Variants in RABIF observed in about 807,000 individuals in gnomAD.
RABIF encodes the protein guanine nucleotide exchange factor MSS4.
Under a neutral mutation model 12.3 loss-of-function variants are expected in RABIF, and 13 were observed. That is an observed-to-expected ratio of 1.06 (90% CI 0.69 to 1.68). The LOEUF (loss-of-function observed/expected upper bound fraction) is 1.68, where lower values mean the gene tolerates loss of function less well. Ranked by LOEUF, RABIF falls within the 40% of genes most tolerant of loss-of-function variation. RABIF has a pLI of 0.00. For synonymous variants in RABIF, 70 were observed against 63.3 expected, an observed-to-expected ratio of 1.11 and a Z score of -0.50; for missense variants, 153 against 158.0, an observed-to-expected ratio of 0.97 and a Z score of 0.17.
intron 1 of RABIF, among the ~76,000 whole-genome samples, chr1:202,884,193 T>C (rs1255167377): frequency 1.3e-5 from 2 of 152,172 alleles, no homozygotes; most frequent in Non-Finnish European, 2.9e-5. Flanking sequence ...TCTGCTGATA[T>C]ACTACTAACA....
chr1:202,880,661 G>T lies in RABIF; in HGVS notation c.*317C>A. ...CTGCTCTTCTAGAGCAAGAAAAAGC[G>T]GGAGCCCCTGGGCAAAACAGAGCCT... is the stretch of plus-strand genomic sequence containing the variant. On this transcript the variant is annotated 3_prime_UTR_variant, in exon 2 of 2. Transcript: ENST00000367262. 1 of 1,041,010 alleles carries T rather than the reference G, an allele frequency of 9.6e-7. No individual in the cohort carries two copies. Among genetic ancestry groups the T allele is most frequent in the Non-Finnish European group, 1.2e-6 (1 of 855,552 alleles). 64.5% of individuals were successfully genotyped at this position (1,041,010 alleles called of 1,614,324 possible).
rs1659439587 is a variant in RABIF, at chr1:202,878,352, G to GC, written c.*2625dup. Among the ~76,000 whole-genome samples the GC allele has an allele frequency of 2.0e-5, 3 of 152,162 alleles. No individual in the cohort carries two copies. Among genetic ancestry groups the GC allele is most frequent in the Non-Finnish European group, 4.4e-5 (3 of 68,016 alleles). Reference sequence around the variant, plus strand: ...GGCAAATGCTCCCAGGAGAACGGTGGCCCTCACACCAAGCCCACCTCCCAG... The same window carrying GC: ...GGCAAATGCTCCCAGGAGAACGGTGGCCCCTCACACCAAGCCCACCTCCCAG... On this transcript the variant is annotated 3_prime_UTR_variant, in exon 2 of 2. Coordinates refer to ENST00000367262, the MANE Select transcript of RABIF (RefSeq NM_002871.5).
In RABIF at chr1:202,880,938, G is replaced by A; in HGVS notation, c.*40C>T. ...AAAGGCCAGTTCTTGTGGGGAGTAG[G>A]TTTATCTTTGGAGATGGAGCTGAGT... On this transcript the variant is annotated 3_prime_UTR_variant, in exon 2 of 2. Transcript: ENST00000367262. 4 of 1,606,822 alleles carry A rather than the reference G, an allele frequency of 2.5e-6. No homozygotes were observed. Among genetic ancestry groups the A allele is most frequent in the Non-Finnish European group, 3.4e-6 (4 of 1,174,926 alleles).
chr1:202,884,801 C>T (rs1659535639), intron 1 of RABIF, among the ~76,000 whole-genome samples: 1 of 151,970 alleles, frequency 6.6e-6, no homozygotes, highest in African/African-American at 2.4e-5. Context: ...CATCATTGTT[C>T]GGGCCGGGCA....
intron 1 of RABIF, among the ~76,000 whole-genome samples, chr1:202,886,525 GC>G (rs1659564705): frequency 6.6e-6 from 1 of 151,972 alleles, no homozygotes; most frequent in African/African-American, 2.4e-5. Flanking sequence ...GGAGGAGGTT[GC>G]AGTGAGCCGA....
chr1:202,882,653 CT>C (rs779631253), intron 1 of RABIF, among the ~76,000 whole-genome samples: 6 of 144,450 alleles, frequency 4.2e-5, no homozygotes, highest in African/African-American at 1.0e-4. Flanking sequence ...TTCATTTCCC[CT>C]GGAAGTCTCT....
rs868472730 is a variant in RABIF at position 202,878,702 on chromosome 1, A to G, written c.*2276T>C. Reference sequence around the variant, plus strand: ...TTCACAAAATCAACTGCTCTCCCCAATAGAAAACGGAAGTTTCTATACTCG... The same window carrying G: ...TTCACAAAATCAACTGCTCTCCCCAGTAGAAAACGGAAGTTTCTATACTCG... On this transcript the variant is annotated 3_prime_UTR_variant, in exon 2 of 2. Transcript: ENST00000367262. 4.6e-5 allele frequency among the ~76,000 whole-genome samples: 7 copies of G among 152,336 alleles called. No homozygotes were observed. The South Asian group carries it at 1.2e-3, about 27-fold the overall frequency.
At chr1:202,882,255 C>A (rs1247359172) in intron 1 of RABIF, among the ~76,000 whole-genome samples, 1 of 152,148 alleles carries the variant, frequency 6.6e-6, no homozygotes, top group Non-Finnish European at 1.5e-5. Flanking sequence ...GTAGTGCACA[C>A]CTGTAGTCCC....
At chr1:202,888,128 T>C (rs538748527) in intron 1 of RABIF, among the ~76,000 whole-genome samples, 1 of 152,204 alleles carries the variant, frequency 6.6e-6, no homozygotes, top group Non-Finnish European at 1.5e-5. Context: ...CGTGAAATAA[T>C]AAAATGATCT....
Position 202,889,017 on chromosome 1 carries a change from A to T in RABIF, c.82T>A (p.Ser28Thr). ...GCGGTCCCTGGCTGCAGCACCCGGG[A>T]GCCGCAACGCTGGCACAGCACCGCC... ...RKAVLCQRCG[S>T]RVLQPGTALF... The change falls in exon 1 of 2, where the codon TCC becomes ACC. Residue 28 changes from serine to threonine, a missense_variant. By Grantham distance (58) the Ser-to-Thr change is moderately conservative. Around this residue, in one of 2 missense-constraint regions of RABIF, gnomAD observed 113 missense variants for 90.9 expected, o/e 1.24. Coordinates refer to ENST00000367262, the MANE Select transcript of RABIF (RefSeq NM_002871.5). 2 of 1,601,608 alleles carry T rather than the reference A, an allele frequency of 1.2e-6. No homozygotes were observed.
intron 1 of RABIF, among the ~76,000 whole-genome samples, chr1:202,887,567 C>T (rs1221385577): frequency 6.6e-6 from 1 of 151,290 alleles, no homozygotes; most frequent in Non-Finnish European, 1.5e-5. Flanking sequence ...ACTCAATCTC[C>T]GCTCACTACA....
At chr1:202,886,114 T>C (rs1056453024) in intron 1 of RABIF, among the ~76,000 whole-genome samples, 2 of 151,824 alleles carry the variant, frequency 1.3e-5, no homozygotes, top group African/African-American at 4.8e-5. Flanking sequence ...CATATATAAT[T>C]TAATTTGCTC....
At position 202,886,560 on chromosome 1, in the gene RABIF, C is replaced by A. The variant is rs377280266; in HGVS notation, c.126+2413G>T. Among the ~76,000 whole-genome samples, 58 of 151,928 alleles carry A rather than the reference C, an allele frequency of 3.8e-4. No individual in the cohort carries two copies. In the East Asian group the frequency reaches 8.4e-3, roughly 22 times the overall value. On this transcript the variant is annotated intron_variant, in intron 1 of 1. Coordinates refer to ENST00000367262, the MANE Select transcript of RABIF (RefSeq NM_002871.5). ...GAGATCATGCCACACACTCCAGCCTCGGCGACAGAGGGAGACTCCATCTCA... is the reference window on the plus strand; with the variant it reads ...GAGATCATGCCACACACTCCAGCCTAGGCGACAGAGGGAGACTCCATCTCA...
intron 1 of RABIF, among the ~76,000 whole-genome samples, chr1:202,881,889 C>T (rs1480850315): frequency 6.6e-6 from 1 of 152,222 alleles, no homozygotes; most frequent in Non-Finnish European, 1.5e-5. Flanking sequence ...AGCTCCTCCT[C>T]AGTAGTCAGC....
rs754083812 is a variant in RABIF, at chr1:202,881,239, A to G, written c.127-16T>C. ...GAAGGAAAAGCTGCAGTGGGAAAGA[A>G]CATAAAGAACGCAGAAGTTGAACTG... On this transcript the variant is annotated splice_polypyrimidine_tract_variant and intron_variant, in intron 1 of 1. Coordinates refer to ENST00000367262, the MANE Select transcript of RABIF (RefSeq NM_002871.5). The G allele has an allele frequency of 1.2e-6, 2 of 1,605,032 alleles. No homozygotes were observed. The highest frequency in any genetic ancestry group is 1.1e-5 in the South Asian group (1 of 90,250).
In RABIF at chr1:202,879,020, A is replaced by C. The variant is rs377623944; in HGVS notation, c.*1958T>G. On this transcript the variant is annotated 3_prime_UTR_variant, in exon 2 of 2. Transcript: ENST00000367262. The stretch of plus-strand genomic sequence containing the variant: ...ACTGAAAAGGCAGAATAGCAACCTG[A>C]TATTTTTGGCTACTAGGGCAACATT... 2.0e-5 allele frequency: 3 copies of C among 152,210 alleles called. No individual in the cohort carries two copies. The highest frequency in any genetic ancestry group is 4.4e-5 in the Non-Finnish European group (3 of 68,032). 9.4% of individuals were successfully genotyped at this position (152,210 alleles called of 1,614,324 possible). A position where few individuals can be genotyped will look rare whatever the true frequency, so the allele number is the denominator to read the frequency against.
At chr1:202,887,025 T>TTG (rs1659573283) in intron 1 of RABIF, among the ~76,000 whole-genome samples, 1 of 40,996 alleles carries the variant, frequency 2.4e-5, no homozygotes. Flanking sequence ...GTGGGCTATG[T>TTG]TTTGTTTTTT....
rs1345648025 is a variant in RABIF at position 202,888,897 on chromosome 1, C to G, written c.126+76G>C. The G allele has an allele frequency of 4.2e-6, 6 of 1,434,160 alleles. No homozygotes were observed. In the African/African-American group the frequency reaches 5.8e-5, roughly 14 times the overall value. The allele number at this position is 1,434,160 out of a possible 1,614,324, so 88.8% of individuals were successfully genotyped here. A position where few individuals can be genotyped will look rare whatever the true frequency, so the allele number is the denominator to read the frequency against. On this transcript the variant is annotated intron_variant, in intron 1 of 1. Transcript: ENST00000367262. ...GCGCGGTTGCCGGAAATTGAAGAGC[C>G]GGGGTTCAGATTCTGACTGCGGCGG... is the stretch of plus-strand genomic sequence containing the variant.
intron 1 of RABIF, among the ~76,000 whole-genome samples, chr1:202,886,654 T>C (rs1389420320): frequency 6.6e-6 from 1 of 152,088 alleles, no homozygotes; most frequent in African/African-American, 2.4e-5. Context: ...CCCACCACTT[T>C]GGGAGGCCAA....
Sources: allele counts gnomAD v4.1 joint callset (sites outside exome capture counted in the v4.1 genomes callset), GRCh38; gene constraint gnomAD v4.1.1; regional missense constraint gnomAD v4.1.1; transcripts MANE v1.5; gene names NCBI Gene and HGNC (gene_info 2026-07-23, HGNC 2026-07-21).